LYRM4: variants seen among roughly 807,000 people sequenced by gnomAD.
The protein encoded by LYRM4 is LYR motif-containing protein 4.
A neutral mutation model predicts 11.7 loss-of-function variants in LYRM4; 9 were observed. The observed-to-expected ratio is 0.77, with a 90% CI of 0.46 to 1.34. The LOEUF is 1.34. LYRM4 is among the 40% of genes most tolerant of loss of function. The pLI, the probability that LYRM4 is intolerant of heterozygous loss-of-function variation, is 0.00. For missense variants in LYRM4, 133 were observed against 112.5 expected (o/e 1.18, Z -0.82); for synonymous variants, 42 against 40.4 (o/e 1.04, Z -0.15).
At chr6:5,084,350 A>T in the LYRM4 span, among the ~76,000 whole-genome samples, 1 of 152,158 alleles carries the variant, frequency 6.6e-6, no homozygotes, top group African/African-American at 2.4e-5. Flanking sequence ...CCGGAGCAGC[A>T]GGGCGGTGAC....
At chr6:5,200,599 G>C (rs1475147406) in intron 2 of LYRM4, among the ~76,000 whole-genome samples, 1 of 152,224 alleles carries the variant, frequency 6.6e-6, no homozygotes, top group African/African-American at 2.4e-5. Context: ...ATCAGGGAAA[G>C]TCATCACAAA....
At chr6:5,234,372 C>T (rs2127746659) in intron 1 of LYRM4, among the ~76,000 whole-genome samples, 1 of 152,364 alleles carries the variant, frequency 6.6e-6, no homozygotes, top group Non-Finnish European at 1.5e-5. Flanking sequence ...CGCTCCTCCA[C>T]AGAGGCGCCA....
intron 2 of LYRM4, among the ~76,000 whole-genome samples, chr6:5,144,557 A>T (rs1757594917): frequency 7.0e-6 from 1 of 142,690 alleles, no homozygotes; most frequent in Admixed American, 7.4e-5. Context: ...GAATGGCGTG[A>T]ACCTGGGAGG....
At chr6:5,260,602 CGG>C in intron 1 of LYRM4, 44 bp downstream of exon 1, 6 of 1,203,598 alleles carry the variant, frequency 5.0e-6, no homozygotes, top group Non-Finnish European at 7.0e-6. Flanking sequence ...CCCCGGTCCC[CGG>C]CCCCTGGCCC....
At chr6:5,147,770 G>T (rs1757807705) in intron 2 of LYRM4, among the ~76,000 whole-genome samples, 1 of 138,558 alleles carries the variant, frequency 7.2e-6, no homozygotes, top group Non-Finnish European at 1.6e-5. Context: ...GTCAGACGTG[G>T]TCCACGGCAG....
At position 5,176,067 on chromosome 6, in the gene LYRM4, A is replaced by G. The variant is rs2773334; in HGVS notation, c.207+40551T>C. Among the ~76,000 whole-genome samples, 804 of 148,764 alleles carry G rather than the reference A, an allele frequency of 5.4e-3. 16 individuals carry two copies. Among genetic ancestry groups the G allele is most frequent in the African/African-American group, 7.7e-3 (312 of 40,400 alleles). On this transcript the variant is annotated intron_variant, in intron 2 of 2. Coordinates refer to ENST00000330636, the MANE Select transcript of LYRM4 (RefSeq NM_020408.6). The stretch of plus-strand genomic sequence containing the variant: ...AAATGGTGGTTGTATTACGCTATTA[A>G]TTTTTTTTTTTTTTTGAGACAGAGT...
chr6:5,085,388 T>C, the LYRM4 span: 3 of 889,600 alleles, frequency 3.4e-6, no homozygotes, highest in Non-Finnish European at 5.0e-6. Flanking sequence ...AGGGCGAGCC[T>C]GAACTGCAGC....
intron 2 of LYRM4, chr6:5,144,069 C>T (rs186123998): frequency 7.4e-6 from 11 of 1,477,060 alleles, no homozygotes; most frequent in Non-Finnish European, 9.9e-6. Flanking sequence ...CTTCATACTC[C>T]AGAAAAAGAA....
intron 2 of LYRM4, among the ~76,000 whole-genome samples, chr6:5,115,483 G>A (rs887594583): frequency 6.6e-6 from 1 of 152,168 alleles, no homozygotes; most frequent in Non-Finnish European, 1.5e-5. Context: ...GTGGCCCTCT[G>A]CTGCGTTCCT....
At chr6:5,144,876 G>T (rs776281995) in intron 2 of LYRM4, among the ~76,000 whole-genome samples, 1 of 152,194 alleles carries the variant, frequency 6.6e-6, no homozygotes, top group African/African-American at 2.4e-5. Context: ...TGACCTCTGA[G>T]GTCTCCTTTA....
chr6:5,155,116 CT>C (rs1396404712), intron 2 of LYRM4, among the ~76,000 whole-genome samples: 1 of 152,134 alleles, frequency 6.6e-6, no homozygotes, highest in Non-Finnish European at 1.5e-5. Context: ...GAGTCTTGCT[CT>C]GTTGCCCAGG....
intron 2 of LYRM4, among the ~76,000 whole-genome samples, chr6:5,150,593 CT>C (rs1452197731): frequency 1.3e-5 from 2 of 152,180 alleles, no homozygotes; most frequent in Non-Finnish European, 2.9e-5. Flanking sequence ...ATTATTCTTT[CT>C]TTGTGGTCTC....
chr6:5,175,860 C>A (rs993523596), intron 2 of LYRM4, among the ~76,000 whole-genome samples: 1 of 152,106 alleles, frequency 6.6e-6, no homozygotes, highest in Non-Finnish European at 1.5e-5. Context: ...GAGGAAGCCC[C>A]GGCCACACAG....
chr6:5,253,518 T>A (rs1764525958), intron 1 of LYRM4, among the ~76,000 whole-genome samples: 1 of 152,194 alleles, frequency 6.6e-6, no homozygotes, highest in Admixed American at 6.5e-5. Context: ...AATTTTCTTA[T>A]TTGAGCTCAA....
intron 2 of LYRM4, chr6:5,132,776 C>G (rs1487002671): frequency 6.6e-6 from 1 of 152,212 alleles, no homozygotes; most frequent in African/African-American, 2.4e-5. Context: ...TGAGTTTACT[C>G]AGATTTAGCC....
At chr6:5,215,637 T>A (rs1762232831) in intron 2 of LYRM4, among the ~76,000 whole-genome samples, 1 of 152,252 alleles carries the variant, frequency 6.6e-6, no homozygotes, top group African/African-American at 2.4e-5. Context: ...AAATATTGCT[T>A]CTTTTTTGAA....
chr6:5,081,134 C>CGGGT, the LYRM4 span, among the ~76,000 whole-genome samples: 1 of 126,114 alleles, frequency 7.9e-6, no homozygotes, highest in Admixed American at 7.7e-5. Flanking sequence ...CACACTTGGG[C>CGGGT]GGGGGGGGGG....
At chr6:5,159,698 A>G (rs575823441) in intron 2 of LYRM4, among the ~76,000 whole-genome samples, 42 of 152,220 alleles carry the variant, frequency 2.8e-4, no homozygotes, top group African/African-American at 9.2e-4. Context: ...CTTTCCTTAC[A>G]ATTCATACCT....
the LYRM4 span, among the ~76,000 whole-genome samples, chr6:5,093,672 A>G: frequency 2.0e-5 from 3 of 152,224 alleles, no homozygotes; most frequent in Non-Finnish European, 4.4e-5. Flanking sequence ...TTCTATAACA[A>G]TTTGGCCCCA....
Sources: gnomAD v4.1 joint callset for allele counts (sites outside exome capture counted in the v4.1 genomes callset) on GRCh38, gnomAD v4.1.1 for gene constraint, MANE v1.5 for transcripts, NCBI Gene and HGNC (gene_info 2026-07-23, HGNC 2026-07-21) for gene names.